The following GPR155 variants were observed in gnomAD, a reference collection of about 807,000 sequenced individuals.
GPR155 encodes the protein lysosomal cholesterol signaling protein.
In GPR155, 65 loss-of-function variants were observed where a neutral mutation model predicts 93.1. The ratio of observed to expected loss-of-function variants is 0.70; its 90% confidence interval spans 0.57 to 0.86. The LOEUF is 0.86. Among genes scored for constraint, GPR155 ranks in the 40% least tolerant of loss-of-function variants. The pLI is 0.00. For missense variants in GPR155, 838 were observed against 1,034.8 expected, an observed-to-expected ratio of 0.81 and a Z score of 2.61; for synonymous variants, 319 against 360.1, an observed-to-expected ratio of 0.89 and a Z score of 1.29.
chr2:174,460,156 T>G, intron 9 of GPR155, 68 bp from the exon 10 acceptor site: 1 of 222,108 alleles, frequency 4.5e-6, no homozygotes, highest in Non-Finnish European at 7.2e-6. Flanking sequence ...TAGGGCACAT[T>G]TTTTTTTTTT....
intron 2 of GPR155, among the ~76,000 whole-genome samples, chr2:174,477,355 T>C (rs1304472231): frequency 6.6e-6 from 1 of 152,140 alleles, no homozygotes; most frequent in Non-Finnish European, 1.5e-5. Context: ...GAATATGTTG[T>C]TATTAACCAT....
chr2:174,444,410 C>A (rs1346246370), intron 13 of GPR155, among the ~76,000 whole-genome samples: 1 of 137,140 alleles, frequency 7.3e-6, no homozygotes, highest in South Asian at 2.3e-4. Flanking sequence ...AGCGAAACTC[C>A]GTCTCAAAAA....
chr2:174,450,441 A>G (rs1687285174), intron 11 of GPR155, among the ~76,000 whole-genome samples: 1 of 152,210 alleles, frequency 6.6e-6, no homozygotes, highest in African/African-American at 2.4e-5. Context: ...ATACCCAGGT[A>G]GCAAAACTGC....
chr2:174,449,936 A>G (rs1687267535), intron 11 of GPR155, among the ~76,000 whole-genome samples: 1 of 152,200 alleles, frequency 6.6e-6, no homozygotes, highest in Non-Finnish European at 1.5e-5. Flanking sequence ...AGATCGTGCC[A>G]CTGCACTCCA....
At chr2:174,458,394 C>G (rs1404694134) in intron 10 of GPR155, among the ~76,000 whole-genome samples, 1 of 152,152 alleles carries the variant, frequency 6.6e-6, no homozygotes, top group Non-Finnish European at 1.5e-5. Context: ...TTAGAAGGGT[C>G]AAATTGAACT....
chr2:174,467,895 C>G (rs1460469272), intron 5 of GPR155, among the ~76,000 whole-genome samples: 1 of 152,086 alleles, frequency 6.6e-6, no homozygotes, highest in Admixed American at 6.5e-5. Flanking sequence ...TACCACCATG[C>G]CTGACTAATT....
chr2:174,436,357 A>G lies in GPR155; in HGVS notation c.2372T>C (p.Ile791Thr), dbSNP rs763665530. The part of the protein sequence containing the change: ...FCGCDLVSWL[I>T]EVGLASDRGE... ...ACGGTCGGAGGCAAGGCCGACTTCA[A>G]TTAGCCAGCTCACCAGGTCACAGCC... is the stretch of plus-strand genomic sequence containing the variant. Residue 791 changes from isoleucine (I) to threonine (T), a missense_variant, in exon 16 of 16, where the codon ATT (isoleucine) becomes ACT (threonine). Transcript: ENST00000392552. The G allele has an allele frequency of 4.3e-6, 7 of 1,614,102 alleles. No individual in the cohort carries two copies. In the African/African-American group the frequency reaches 6.7e-5, roughly 15 times the overall value.
chr2:174,457,333 T>C (rs1478892045), intron 10 of GPR155, among the ~76,000 whole-genome samples: 4 of 152,162 alleles, frequency 2.6e-5, no homozygotes, highest in African/African-American at 9.7e-5. Flanking sequence ...AGAGAAAGAC[T>C]TTGTTTCAAA....
chr2:174,453,666 A>AG (rs879713110), intron 11 of GPR155, 71 bp downstream of exon 11: 1 of 592,336 alleles, frequency 1.7e-6, no homozygotes, highest in African/African-American at 2.1e-5. Context: ...TCTCAAAAAA[A>AG]AGAAAAAAAA....
At chr2:174,469,149 G>A (rs1161159965) in intron 4 of GPR155, 82 bp from the exon 5 acceptor site, 1 of 1,185,028 alleles carries the variant, frequency 8.4e-7, no homozygotes, top group East Asian at 2.4e-5. Flanking sequence ...GCACACTAAA[G>A]CATTCTAAAA....
At chr2:174,438,331 C>T (rs1210465032) in intron 15 of GPR155, among the ~76,000 whole-genome samples, 1 of 152,188 alleles carries the variant, frequency 6.6e-6, no homozygotes, top group East Asian at 1.9e-4. Flanking sequence ...GGGCAGGAAA[C>T]AGGCTGGCAC....
chr2:174,468,792 GGGCA>G, intron 5 of GPR155, 116 bp downstream of exon 5: 3 of 849,938 alleles, frequency 3.5e-6, no homozygotes, highest in Non-Finnish European at 5.6e-6. Context: ...TATATTTTAT[GGGCA>G]GGCTTTAGCT....
chr2:174,485,404 C>T (rs1181819131), intron 1 of GPR155, among the ~76,000 whole-genome samples: 1 of 152,164 alleles, frequency 6.6e-6, no homozygotes, highest in Non-Finnish European at 1.5e-5. Context: ...GGAGACCAGC[C>T]TGGCCAGCAT....
chr2:174,485,534 T>C (rs1160261493), intron 1 of GPR155, among the ~76,000 whole-genome samples: 2 of 150,420 alleles, frequency 1.3e-5, no homozygotes, highest in Non-Finnish European at 3.0e-5. Context: ...GAGGCAGAGG[T>C]TGCAGTGAGC....
Position 174,435,979 on chromosome 2 carries a change from A to T in GPR155, c.*137T>A, listed in dbSNP as rs889035195. On this transcript the variant is annotated 3_prime_UTR_variant, in exon 16 of 16. Transcript: ENST00000392552. The stretch of plus-strand genomic sequence containing the variant: ...GACCCTGCGCATGTGGTGGGAGCAC[A>T]TCTTTTCACATTTTACAGAAGAGAC... 10 of 662,134 alleles carry T rather than the reference A, an allele frequency of 1.5e-5. No individual in the cohort carries two copies. The highest frequency in any genetic ancestry group is 2.7e-5 in the Non-Finnish European group (10 of 376,084). 41.0% of individuals were successfully genotyped at this position (662,134 alleles called of 1,614,324 possible). A position where few individuals can be genotyped will look rare whatever the true frequency, so the allele number is the denominator to read the frequency against.
In GPR155 at chr2:174,470,511, T is replaced by C; in HGVS notation, c.905A>G (p.Asp302Gly). The C allele has an allele frequency of 6.2e-7, 1 of 1,613,908 alleles. No homozygotes were observed. Among genetic ancestry groups the C allele is most frequent in the Non-Finnish European group, 8.5e-7 (1 of 1,179,982 alleles). The change falls in exon 4 of 16, where the codon GAC becomes GGC. Residue 302 changes from aspartate (D) to glycine (G), a missense_variant. Asp to Gly is a moderately conservative substitution (Grantham distance 94, BLOSUM62 -1). Transcript: ENST00000392552. ...ATGGTTCACCACACTGTCGCCCTTG[T>C]CCAAGAGTTCCACCATTTCTCTGCA... Reference protein sequence around the residue: ...LLCREMVELLDKGDSVVNHTS... With the variant: ...LLCREMVELLGKGDSVVNHTS...
chr2:174,448,952 A>G (rs1367689606), intron 11 of GPR155, among the ~76,000 whole-genome samples: 1 of 152,204 alleles, frequency 6.6e-6, no homozygotes, highest in East Asian at 1.9e-4. Flanking sequence ...TAGACAGACA[A>G]CCTACAGAAT....
In GPR155 at chr2:174,481,833, GC is replaced by G; in HGVS notation, c.123del (p.Arg41SerfsTer18). ...AAGCATTCCAGTAAGGCTGGAAAAA[GC>G]CTTGTAATTGACATTGAAGGTGGGT... ...TNDPPSMSIT[R>X]LFPALLECFG... is the part of the protein sequence containing the mutation. On this transcript the variant is annotated frameshift_variant, in exon 2 of 16. Transcript: ENST00000392552. LOFTEE classifies it high-confidence loss of function. The G allele has an allele frequency of 6.2e-7, 1 of 1,614,170 alleles. No homozygotes were observed. Among genetic ancestry groups the G allele is most frequent in the Non-Finnish European group, 8.5e-7 (1 of 1,179,992 alleles).
At chr2:174,441,814 C>T (rs1686971645) in intron 14 of GPR155, among the ~76,000 whole-genome samples, 1 of 152,060 alleles carries the variant, frequency 6.6e-6, no homozygotes, top group South Asian at 2.1e-4. Context: ...ACAATCTTGG[C>T]TCACTGCAAC....
Sources: allele counts gnomAD v4.1 joint callset (sites outside exome capture counted in the v4.1 genomes callset), GRCh38; gene constraint gnomAD v4.1.1; transcripts MANE v1.5; gene names NCBI Gene and HGNC (gene_info 2026-07-23, HGNC 2026-07-21).